Variants in CLASP2 observed in about 807,000 individuals in gnomAD.
CLASP2 encodes CLIP-associating protein 2.
In CLASP2, 47 loss-of-function variants were observed where a neutral mutation model predicts 194.4. The ratio of observed to expected loss-of-function variants is 0.24; its 90% CI spans 0.19 to 0.31. The LOEUF (loss-of-function observed/expected upper bound fraction) is 0.31. CLASP2 is among the 10% of genes least tolerant of loss of function. The pLI, the probability that CLASP2 is intolerant of heterozygous loss-of-function variation, is 1.00. For missense variants in CLASP2, 1,445 were observed against 1,823.6 expected (o/e 0.79, Z 3.78); for synonymous variants, 619 against 633.5 (o/e 0.98, Z 0.34).
intron 22 of CLASP2, among the ~76,000 whole-genome samples, 195 bp from the exon 23 acceptor site, chr3:33,582,123 T>C (rs1301875912): frequency 6.6e-6 from 1 of 152,240 alleles, no homozygotes; most frequent in Non-Finnish European, 1.5e-5. Context: ...CTAGTTTGTA[T>C]GAAATTAGAA....
chr3:33,597,300 T>C (rs7620945), intron 18 of CLASP2, among the ~76,000 whole-genome samples: 6 of 152,212 alleles, frequency 3.9e-5, no homozygotes, highest in African/African-American at 9.6e-5. Context: ...AAGTCATGCA[T>C]ACTGGCACTA....
chr3:33,566,464 T>C (rs1034666403), intron 27 of CLASP2, among the ~76,000 whole-genome samples: 1 of 152,238 alleles, frequency 6.6e-6, no homozygotes, highest in African/African-American at 2.4e-5. Context: ...GCTATTACAA[T>C]TGAGGCAGAC....
chr3:33,646,406 C>T (rs1321375793), intron 7 of CLASP2, among the ~76,000 whole-genome samples: 3 of 151,850 alleles, frequency 2.0e-5, no homozygotes, highest in East Asian at 3.8e-4. Context: ...TAGCATAACA[C>T]TATTAGGGAG....
chr3:33,679,336 T>C (rs943261638), intron 6 of CLASP2, among the ~76,000 whole-genome samples: 1 of 152,156 alleles, frequency 6.6e-6, no homozygotes, highest in Non-Finnish European at 1.5e-5. Flanking sequence ...GTGATGACTT[T>C]TTAAAACAAC....
intron 32 of CLASP2, among the ~76,000 whole-genome samples, 169 bp downstream of exon 32, chr3:33,543,264 T>C (rs2058658906): frequency 1.3e-5 from 2 of 152,092 alleles, no homozygotes; most frequent in Non-Finnish European, 1.5e-5. Context: ...GCCCAGCTAC[T>C]TGGGAGACTG....
intron 37 of CLASP2, chr3:33,503,404 A>G (rs996248656): frequency 2.0e-5 from 3 of 150,448 alleles, no homozygotes; most frequent in Non-Finnish European, 3.0e-5. Flanking sequence ...TTATATGACA[A>G]TTTTGTGTTA....
intron 6 of CLASP2, among the ~76,000 whole-genome samples, chr3:33,675,220 A>G (rs2088297313): frequency 1.3e-5 from 2 of 151,708 alleles, no homozygotes; most frequent in African/African-American, 2.4e-5. Context: ...CCAGCAGCAC[A>G]TCAAAAAGCT....
intron 17 of CLASP2, among the ~76,000 whole-genome samples, chr3:33,603,331 C>T (rs139665207): frequency 1.3e-5 from 2 of 152,296 alleles, no homozygotes; most frequent in East Asian, 3.9e-4. Flanking sequence ...CTCAATATTT[C>T]TCTACCTTAT....
chr3:33,557,541 C>T (rs2061176610), intron 29 of CLASP2, among the ~76,000 whole-genome samples: 1 of 151,996 alleles, frequency 6.6e-6, no homozygotes, highest in Non-Finnish European at 1.5e-5. Context: ...CTAGTTAACT[C>T]CACATACATT....
intron 6 of CLASP2, among the ~76,000 whole-genome samples, chr3:33,679,864 A>C (rs1386569176): frequency 6.6e-6 from 1 of 152,232 alleles, no homozygotes; most frequent in African/African-American, 2.4e-5. Context: ...CATGCAACAC[A>C]GTGATTGCAT....
chr3:33,600,149 A>G (rs1014815463), intron 18 of CLASP2, among the ~76,000 whole-genome samples: 26 of 152,136 alleles, frequency 1.7e-4, no homozygotes, highest in African/African-American at 6.0e-4. Flanking sequence ...GTTTTCTGCA[A>G]AGAGAGACAG....
At chr3:33,643,692 G>A (rs1192940799) in intron 8 of CLASP2, among the ~76,000 whole-genome samples, 5 of 151,760 alleles carry the variant, frequency 3.3e-5, no homozygotes, top group South Asian at 2.1e-4. Context: ...ACAGAAGATC[G>A]TTTAAATGAA....
intron 1 of CLASP2, among the ~76,000 whole-genome samples, chr3:33,699,285 G>A (rs1205719304): frequency 6.6e-6 from 1 of 152,070 alleles, no homozygotes; most frequent in African/African-American, 2.4e-5. Flanking sequence ...CTAGAAGAGA[G>A]AACAAGGTAG....
chr3:33,520,820 T>TACACACACAC (rs57151303), intron 34 of CLASP2, among the ~76,000 whole-genome samples: 76 of 142,528 alleles, frequency 5.3e-4, no homozygotes, highest in Admixed American at 9.2e-4. Flanking sequence ...TGTAAATCTC[T>TACACACACAC]ACACACACAC....
intron 5 of CLASP2, among the ~76,000 whole-genome samples, 192 bp from the exon 6 acceptor site, chr3:33,684,648 A>G (rs1438522888): frequency 6.6e-6 from 1 of 152,196 alleles, no homozygotes; most frequent in Non-Finnish European, 1.5e-5. Context: ...CTACTAAAAG[A>G]TGATTTTACA....
chr3:33,682,400 G>A (rs765393856), intron 6 of CLASP2, among the ~76,000 whole-genome samples: 7 of 152,286 alleles, frequency 4.6e-5, no homozygotes, highest in Admixed American at 1.3e-4. Flanking sequence ...AGTCTAGGGT[G>A]TAACACAAAA....
intron 2 of CLASP2, 107 bp from the exon 3 acceptor site, chr3:33,690,039 G>A: frequency 3.1e-6 from 2 of 647,530 alleles, no homozygotes; most frequent in South Asian, 6.8e-5. Flanking sequence ...ATGAAGAGTT[G>A]TGAGGTAAAG....
At position 33,686,523 on chromosome 3, in the gene CLASP2, A is replaced by C. The variant is rs145592853; in HGVS notation, c.546+537T>G. The stretch of plus-strand genomic sequence containing the variant: ...AATCTAACTAATACCTGATGATCTG[A>C]GGTAGAACAGTTTCATCCCAAAACC... On this transcript the variant is annotated intron_variant, in intron 5 of 38. Coordinates refer to ENST00000682230, the MANE Select transcript of CLASP2 (RefSeq NM_001365631.1). Among the ~76,000 whole-genome samples the C allele has an allele frequency of 3.9e-5, 6 of 152,280 alleles. No individual in the cohort carries two copies. In the East Asian group the frequency reaches 1.2e-3, roughly 29 times the overall value.
rs766687478 is a variant in CLASP2 at position 33,608,744 on chromosome 3, C to CTTT, written c.1389-121_1389-119dup. 506 of 159,558 alleles carry CTTT rather than the reference C, an allele frequency of 3.2e-3. 1 individual carries two copies. The highest frequency in any genetic ancestry group is 3.7e-3 in the Non-Finnish European group (344 of 92,186). 9.9% of individuals were successfully genotyped at this position (159,558 alleles called of 1,614,324 possible). On this transcript the variant is annotated intron_variant, in intron 13 of 38. Coordinates refer to ENST00000682230, the MANE Select transcript of CLASP2 (RefSeq NM_001365631.1). ...AAGCATAAGACATGTTTTTAGATAT[C>CTTT]TTTTTTTTTTTTTTTTTTTTTTTTG...
Sources: gnomAD v4.1 joint callset for allele counts (sites outside exome capture counted in the v4.1 genomes callset) on GRCh38, gnomAD v4.1.1 for gene constraint, MANE v1.5 for transcripts, NCBI Gene and HGNC (gene_info 2026-07-23, HGNC 2026-07-21) for gene names.